C12orf42: variants seen among roughly 807,000 people sequenced by gnomAD.
The protein encoded by C12orf42 is uncharacterized protein C12orf42.
In C12orf42, 25 loss-of-function variants were observed where a neutral mutation model predicts 21.6. That is an observed-to-expected ratio of 1.16 (90% CI 0.84 to 1.62). C12orf42 has a LOEUF of 1.62. C12orf42 is among the 40% of genes most tolerant of loss of function. C12orf42 has a pLI of 0.00. For missense variants in C12orf42, 483 were observed against 459.3 expected, an observed-to-expected ratio of 1.05 and a Z score of -0.47; for synonymous variants, 174 against 175.0, an observed-to-expected ratio of 0.99 and a Z score of 0.05.
intron 2 of C12orf42, among the ~76,000 whole-genome samples, chr12:103,419,890 A>C (rs2049717008): frequency 6.6e-6 from 1 of 152,194 alleles, no homozygotes; most frequent in Non-Finnish European, 1.5e-5. Context: ...CACAAAACTA[A>C]ATGTGTGCAA....
chr12:103,484,863 GTTTTTT>G lies in C12orf42; in HGVS notation c.-21-6422_-21-6417del, dbSNP rs56025837. On this transcript the variant is annotated intron_variant, in intron 1 of 5. Coordinates refer to ENST00000548883, the MANE Select transcript of C12orf42 (RefSeq NM_198521.5). ...GGTGTAAGGAAGGGATCTGGTTTCA[GTTTTTT>G]TTTTTTTTTTTTTTTTTTGAGAAGG... Among the ~76,000 whole-genome samples the G allele has an allele frequency of 7.0e-5, 5 of 71,678 alleles. No homozygotes were observed. In the East Asian group the frequency reaches 1.8e-3, roughly 26 times the overall value. 47.0% of individuals were successfully genotyped at this position (71,678 alleles called of 152,430 possible).
At chr12:103,256,141 CACACGTATATAT>C (rs1189209249) in intron 10 of C12orf42, among the ~76,000 whole-genome samples, 10 of 95,706 alleles carry the variant, frequency 1.0e-4, no homozygotes, top group Admixed American at 4.7e-4. Context: ...CACACACACA[CACACGTATATAT>C]ACACACATAT....
intron 10 of C12orf42, among the ~76,000 whole-genome samples, chr12:103,244,335 C>T (rs910904772): frequency 1.3e-5 from 2 of 151,958 alleles, no homozygotes; most frequent in Non-Finnish European, 2.9e-5. Flanking sequence ...GGCAGTATGG[C>T]ATCTCCGAGA....
chr12:103,431,593 G>C (rs1422996587), intron 2 of C12orf42, among the ~76,000 whole-genome samples: 1 of 152,156 alleles, frequency 6.6e-6, no homozygotes, highest in Non-Finnish European at 1.5e-5. Flanking sequence ...AGTCAACTAT[G>C]AGGGTCATTT....
At chr12:103,527,137 A>G in the C12orf42 span, among the ~76,000 whole-genome samples, 1 of 151,940 alleles carries the variant, frequency 6.6e-6, no homozygotes, top group South Asian at 2.1e-4. Context: ...CGAGATGGGA[A>G]GCAAGTCTGC....
At position 103,482,898 on chromosome 12, in the gene C12orf42, C is replaced by T. The variant is rs1387735027; in HGVS notation, c.-21-4451G>A. ...CAGGTTCTTCTTATCTACTATTTAACTTGCCTATTGAATTTTTAATTTAAA... is the reference window on the plus strand; with the variant it reads ...CAGGTTCTTCTTATCTACTATTTAATTTGCCTATTGAATTTTTAATTTAAA... On this transcript the variant is annotated intron_variant, in intron 1 of 5. Transcript: ENST00000548883. Among the ~76,000 whole-genome samples, 3 of 152,076 alleles carry T rather than the reference C, an allele frequency of 2.0e-5. No individual in the cohort carries two copies. The East Asian group carries it at 5.8e-4, about 29-fold the overall frequency.
the C12orf42 span, among the ~76,000 whole-genome samples, chr12:103,133,165 C>A: frequency 5.9e-5 from 9 of 152,176 alleles, no homozygotes; most frequent in African/African-American, 2.2e-4. Flanking sequence ...CCTGCTACTA[C>A]CACCACAGCG....
the C12orf42 span, among the ~76,000 whole-genome samples, chr12:103,511,103 G>A: frequency 6.6e-6 from 1 of 152,186 alleles, no homozygotes; most frequent in South Asian, 2.1e-4. Flanking sequence ...AGAAAAAATG[G>A]AGGAGAAGAT....
chr12:103,431,238 T>TATTTCC (rs1288404686), intron 2 of C12orf42: 1 of 152,192 alleles, frequency 6.6e-6, no homozygotes, highest in Non-Finnish European at 1.5e-5. Flanking sequence ...GAGATACCAT[T>TATTTCC]ATTTCCATTT....
At chr12:103,146,584 G>GAA in the C12orf42 span, among the ~76,000 whole-genome samples, 1 of 148,614 alleles carries the variant, frequency 6.7e-6, no homozygotes, top group African/African-American at 2.5e-5. Context: ...AAGAAAGAAA[G>GAA]AAAGAAAGAA....
chr12:103,538,541 T>C, the C12orf42 span, among the ~76,000 whole-genome samples: 1 of 152,182 alleles, frequency 6.6e-6, no homozygotes, highest in Non-Finnish European at 1.5e-5. Flanking sequence ...CAAGTAGAAG[T>C]CATTATTGCC....
At chr12:103,205,104 A>T in the C12orf42 span, among the ~76,000 whole-genome samples, 1 of 152,200 alleles carries the variant, frequency 6.6e-6, no homozygotes, top group Non-Finnish European at 1.5e-5. Context: ...CAAGCAAACA[A>T]CAAAAAAGAT....
intron 3 of C12orf42, among the ~76,000 whole-genome samples, chr12:103,397,360 G>A (rs2047621191): frequency 1.3e-5 from 2 of 152,174 alleles, no homozygotes; most frequent in East Asian, 1.9e-4. Flanking sequence ...TAGGCACCAG[G>A]TGGCACAACA....
At chr12:103,476,247 T>C (rs1177106539) in intron 2 of C12orf42, among the ~76,000 whole-genome samples, 1 of 152,158 alleles carries the variant, frequency 6.6e-6, no homozygotes, top group Non-Finnish European at 1.5e-5. Flanking sequence ...CTCTGAGACA[T>C]GTTTGTTCAT....
the C12orf42 span, among the ~76,000 whole-genome samples, chr12:103,531,377 C>T: frequency 2.6e-5 from 4 of 152,128 alleles, no homozygotes; most frequent in African/African-American, 9.7e-5. Context: ...AAAGAGAGCA[C>T]AATTTCTTGC....
At chr12:103,259,087 T>C (rs1359451651) in intron 10 of C12orf42, among the ~76,000 whole-genome samples, 7 of 152,270 alleles carry the variant, frequency 4.6e-5, no homozygotes, top group Admixed American at 3.3e-4. Flanking sequence ...AACAGACCAA[T>C]TGAATAGGGC....
chr12:103,482,641 T>C (rs563234927), intron 1 of C12orf42, among the ~76,000 whole-genome samples: 1 of 152,292 alleles, frequency 6.6e-6, no homozygotes, highest in African/African-American at 2.4e-5. Context: ...TTAGGATATA[T>C]ATCTTTGAAT....
At chr12:103,391,733 A>G (rs978477886) in intron 3 of C12orf42, among the ~76,000 whole-genome samples, 6 of 151,608 alleles carry the variant, frequency 4.0e-5, no homozygotes, top group African/African-American at 1.4e-4. Context: ...GTGTGTGTAT[A>G]TATATATGAT....
the C12orf42 span, among the ~76,000 whole-genome samples, chr12:103,092,545 T>C: frequency 6.6e-6 from 1 of 152,198 alleles, no homozygotes; most frequent in Admixed American, 6.5e-5. Context: ...CCTTTTACAG[T>C]AATTCACAAT....
Sources: gnomAD v4.1 joint callset for allele counts (sites outside exome capture counted in the v4.1 genomes callset) on GRCh38, gnomAD v4.1.1 for gene constraint, MANE v1.5 for transcripts, NCBI Gene and HGNC (gene_info 2026-07-23, HGNC 2026-07-21) for gene names.